Variants in CDH1 observed in about 807,000 individuals in gnomAD.
CDH1 encodes cadherin-1.
In CDH1, 35 loss-of-function variants were observed where a neutral mutation model predicts 84.5. The ratio of observed to expected loss-of-function variants is 0.41; its 90% CI spans 0.32 to 0.55. The LOEUF (loss-of-function observed/expected upper bound fraction) is 0.55, where lower values mean the gene tolerates loss of function less well. Among genes scored for constraint, CDH1 ranks in the 20% least tolerant of loss-of-function variants. CDH1 has a pLI of 0.19. For missense variants in CDH1, 994 were observed against 1,126.6 expected (o/e 0.88, Z 1.68); for synonymous variants, 417 against 439.0 (o/e 0.95, Z 0.63).
At chr16:68,746,988 G>A (rs1177660554) in intron 2 of CDH1, among the ~76,000 whole-genome samples, 1 of 152,078 alleles carries the variant, frequency 6.6e-6, no homozygotes, top group Admixed American at 6.6e-5. Context: ...GGGGTGGATG[G>A]GTGTGGGAGT....
intron 5 of CDH1, among the ~76,000 whole-genome samples, chr16:68,809,439 C>T (rs1402150676): frequency 6.6e-6 from 1 of 151,990 alleles, no homozygotes; most frequent in African/African-American, 2.4e-5. Context: ...TGACCTCAGG[C>T]GATTCACCCT....
chr16:68,772,405 G>A (rs1400769548), intron 2 of CDH1, among the ~76,000 whole-genome samples: 2 of 152,116 alleles, frequency 1.3e-5, no homozygotes, highest in Non-Finnish European at 2.9e-5. Context: ...AGATTAATAA[G>A]CCATAGACCC....
chr16:68,826,585 G>C (rs1224401401), intron 13 of CDH1: 1 of 152,112 alleles, frequency 6.6e-6, no homozygotes, highest in Admixed American at 6.5e-5. Flanking sequence ...AACATAGCAA[G>C]ATCCCATCTC....
rs181050344 is a variant in CDH1, at chr16:68,813,874, G to T, written c.1320+379G>T. On this transcript the variant is annotated intron_variant, in intron 9 of 15. Coordinates refer to ENST00000261769, the MANE Select transcript of CDH1 (RefSeq NM_004360.5). ...TTGAACCTGGGAGGTGGAGGTTGCA[G>T]TGAGCCAAGATCGTGCCATTGCACT... Among the ~76,000 whole-genome samples the T allele has an allele frequency of 1.3e-4, 19 of 151,966 alleles. No individual in the cohort carries two copies. In the East Asian group the frequency reaches 3.7e-3, roughly 29 times the overall value.
At chr16:68,781,740 G>A (rs1959884467) in intron 2 of CDH1, among the ~76,000 whole-genome samples, 1 of 152,082 alleles carries the variant, frequency 6.6e-6, no homozygotes, top group South Asian at 2.1e-4. Context: ...AAACTGCTGG[G>A]ATTACAGGCC....
chr16:68,804,957 T>C (rs1027539737), intron 3 of CDH1, among the ~76,000 whole-genome samples: 4 of 148,600 alleles, frequency 2.7e-5, no homozygotes, highest in Non-Finnish European at 5.9e-5. Context: ...CAATCTTCCA[T>C]GTAGCTGGGA....
At position 68,808,739 on chromosome 16, in the gene CDH1, C is replaced by T. The variant is rs970086859; in HGVS notation, c.578C>T (p.Thr193Ile). ...GAAGGCAAGGTTTTCTACAGCATCA[C>T]TGGCCAAGGAGCTGACACACCCCCT... is the stretch of plus-strand genomic sequence containing the variant. ...DKEGKVFYSI[T>I]GQGADTPPVG... The change falls in exon 5 of 16, where the codon ACT becomes ATT. Residue 193 changes from threonine to isoleucine, a missense_variant. Around this residue, in one of 3 missense-constraint regions of CDH1, gnomAD observed 22 missense variants for 50.8 expected, o/e 0.43. Coordinates refer to ENST00000261769, the MANE Select transcript of CDH1 (RefSeq NM_004360.5). 1 of 1,614,172 alleles carries T rather than the reference C, an allele frequency of 6.2e-7. No homozygotes were observed. The highest frequency in any genetic ancestry group is 8.5e-7 in the Non-Finnish European group (1 of 1,180,018).
intron 2 of CDH1, among the ~76,000 whole-genome samples, chr16:68,774,428 G>T (rs969677232): frequency 2.0e-5 from 3 of 152,084 alleles, no homozygotes; most frequent in African/African-American, 7.2e-5. Context: ...GCCAAGATAG[G>T]ATAATTGCTT....
At position 68,778,087 on chromosome 16, in the gene CDH1, G is replaced by T. The variant is rs368142086; in HGVS notation, c.164-23583G>T. On this transcript the variant is annotated intron_variant, in intron 2 of 15. Coordinates refer to ENST00000261769, the MANE Select transcript of CDH1 (RefSeq NM_004360.5). Reference sequence around the variant, plus strand: ...TTTTGAGACGGAATCTCGCTCTGTTGCCCAGGCTGGAGTGCAGTGGTGCAA... The same window carrying T: ...TTTTGAGACGGAATCTCGCTCTGTTTCCCAGGCTGGAGTGCAGTGGTGCAA... 1.4e-3 allele frequency among the ~76,000 whole-genome samples: 215 copies of T among 151,922 alleles called. 1 individual carries two copies. The highest frequency in any genetic ancestry group is 4.7e-3 in the African/African-American group (194 of 41,420).
chr16:68,819,155 C>A, intron 10 of CDH1, 125 bp from the exon 11 acceptor site: 1 of 1,088,794 alleles, frequency 9.2e-7, no homozygotes. Flanking sequence ...CGCGACCGGC[C>A]TATTGTTGGT....
At chr16:68,781,881 A>C (rs988740461) in intron 2 of CDH1, among the ~76,000 whole-genome samples, 1 of 152,096 alleles carries the variant, frequency 6.6e-6, no homozygotes. Flanking sequence ...CAGGGGGCCC[A>C]TGCCTTCCTT....
rs750976738 is a variant in CDH1, at chr16:68,792,231, C to CTT, written c.164-9424_164-9423dup. Among the ~76,000 whole-genome samples, 163 of 113,582 alleles carry CTT rather than the reference C, an allele frequency of 1.4e-3. 1 individual carries two copies. The highest frequency in any genetic ancestry group is 4.6e-3 in the African/African-American group (145 of 31,628). The allele number at this position is 113,582 out of a possible 152,430, so 74.5% of individuals were successfully genotyped here. A position where few individuals can be genotyped will look rare whatever the true frequency, so the allele number is the denominator to read the frequency against. ...GCACCACACCCGGCCTAAACACTGA[C>CTT]TTTTTTTTTTTTTTTTGAGATGGAG... On this transcript the variant is annotated intron_variant, in intron 2 of 15. Coordinates refer to ENST00000261769, the MANE Select transcript of CDH1 (RefSeq NM_004360.5).
chr16:68,771,198 C>T (rs1959563095), intron 2 of CDH1: 1 of 152,122 alleles, frequency 6.6e-6, no homozygotes, highest in African/African-American at 2.4e-5. Flanking sequence ...CCTTCCCTGG[C>T]TGCTACTCAC....
At chr16:68,756,673 G>A (rs1963026114) in intron 2 of CDH1, among the ~76,000 whole-genome samples, 1 of 152,152 alleles carries the variant, frequency 6.6e-6, no homozygotes, top group Non-Finnish European at 1.5e-5. Flanking sequence ...ATTTGTGGTT[G>A]TATTTCTTGT....
intron 2 of CDH1, 92 bp from the exon 3 acceptor site, chr16:68,801,578 G>T: frequency 1.0e-6 from 1 of 1,001,474 alleles, no homozygotes; most frequent in South Asian, 1.3e-5. Flanking sequence ...TTGGTTTTGT[G>T]GGAGTCTTCC....
At position 68,780,542 on chromosome 16, in the gene CDH1, G is replaced by A. The variant is rs577721784; in HGVS notation, c.164-21128G>A. Reference sequence around the variant, plus strand: ...TGATTTCAAGTGATCTACCCATCTCGACCTCCCAAAGTGCTTGGGATTACG... The same window carrying A: ...TGATTTCAAGTGATCTACCCATCTCAACCTCCCAAAGTGCTTGGGATTACG... On this transcript the variant is annotated intron_variant, in intron 2 of 15. Transcript: ENST00000261769. Among the ~76,000 whole-genome samples, 177 of 152,190 alleles carry A rather than the reference G, an allele frequency of 1.2e-3. 1 individual carries two copies. The highest frequency in any genetic ancestry group is 3.9e-3 in the African/African-American group (163 of 41,548).
chr16:68,833,603 A>G lies in CDH1; in HGVS notation c.*104A>G, dbSNP rs1164742908. 6 of 857,216 alleles carry G rather than the reference A, an allele frequency of 7.0e-6. No individual in the cohort carries two copies. Among genetic ancestry groups the G allele is most frequent in the Non-Finnish European group, 1.2e-5 (6 of 505,278 alleles). The allele number at this position is 857,216 out of a possible 1,614,324, so 53.1% of individuals were successfully genotyped here. A position where few individuals can be genotyped will look rare whatever the true frequency, so the allele number is the denominator to read the frequency against. The stretch of plus-strand genomic sequence containing the variant: ...TTCCCTTGAGATGAGTTTCTGGGGA[A>G]AAAAAAGAGACTGGTTAGTGATGCA... On this transcript the variant is annotated 3_prime_UTR_variant, in exon 16 of 16. Transcript: ENST00000261769.
intron 6 of CDH1, 55 bp downstream of exon 6, chr16:68,810,396 C>CAA: frequency 6.4e-7 from 1 of 1,551,474 alleles, no homozygotes; most frequent in Non-Finnish European, 8.9e-7. Flanking sequence ...GTTCTTTGGA[C>CAA]CCCAAAGTGT....
intron 2 of CDH1, among the ~76,000 whole-genome samples, chr16:68,777,504 G>T (rs1392742146): frequency 6.7e-6 from 1 of 150,250 alleles, no homozygotes; most frequent in Non-Finnish European, 1.5e-5. Flanking sequence ...TGTTTGTGGG[G>T]TGGTAGTGTT....
Sources: gnomAD v4.1 joint callset for allele counts (sites outside exome capture counted in the v4.1 genomes callset) on GRCh38, gnomAD v4.1.1 for gene constraint, gnomAD v4.1.1 regional missense constraint, MANE v1.5 for transcripts, NCBI Gene and HGNC (gene_info 2026-07-23, HGNC 2026-07-21) for gene names.